C11orf65: variants seen among roughly 807,000 people sequenced by gnomAD.
C11orf65 encodes the protein chromosome 11 open reading frame 65.
Under a neutral mutation model 35.3 loss-of-function variants are expected in C11orf65, and 38 were observed. The ratio of observed to expected loss-of-function variants is 1.08; its 90% CI spans 0.83 to 1.41. C11orf65 has a LOEUF of 1.41. Ranked by LOEUF, C11orf65 falls within the 40% of genes most tolerant of loss-of-function variation. The pLI is 0.00. For synonymous variants in C11orf65, 105 were observed against 114.4 expected (o/e 0.92, Z 0.53); for missense variants, 370 against 367.1 (o/e 1.01, Z -0.06).
intron 2 of C11orf65, among the ~76,000 whole-genome samples, chr11:108,445,955 C>A (rs2093249253): frequency 6.6e-6 from 1 of 152,100 alleles, no homozygotes. Flanking sequence ...AAAGCCGAGG[C>A]TCGAGAACTA....
At chr11:108,465,635 A>C (rs1253906651) in intron 1 of C11orf65, among the ~76,000 whole-genome samples, 4 of 152,072 alleles carry the variant, frequency 2.6e-5, no homozygotes, top group African/African-American at 2.4e-5. Flanking sequence ...GAGTGCTGTA[A>C]GGGAGCAGAA....
In C11orf65 at chr11:108,393,204, T is replaced by C. The variant is rs1374672006; in HGVS notation, c.731+4A>G. 6.2e-7 allele frequency: 1 copy of C among 1,613,402 alleles called. No homozygotes were observed. The highest frequency in any genetic ancestry group is 1.7e-5 in the Admixed American group (1 of 60,014). ...GTTCCCCAAGAATAGCAACATGTACTTACTCATCAAAGTTCAGTGTATTTG... is the reference window on the plus strand; with the variant it reads ...GTTCCCCAAGAATAGCAACATGTACCTACTCATCAAAGTTCAGTGTATTTG... On this transcript the variant is annotated splice_donor_region_variant and intron_variant, in intron 7 of 8. Transcript: ENST00000393084.
intron 2 of C11orf65, chr11:108,368,228 T>TTTAGTAGAGACAGG (rs768728897): frequency 4.8e-6 from 1 of 208,044 alleles, no homozygotes; most frequent in Non-Finnish European, 9.8e-6. Flanking sequence ...TTTTTGTAAT[T>TTTAGTAGAGACAGG]TTAGTAGAGA....
At chr11:108,442,292 A>G (rs2093167255) in intron 2 of C11orf65, among the ~76,000 whole-genome samples, 1 of 152,194 alleles carries the variant, frequency 6.6e-6, no homozygotes, top group Non-Finnish European at 1.5e-5. Context: ...AGGAAAAAGA[A>G]CGAACAAAGC....
intron 1 of C11orf65, among the ~76,000 whole-genome samples, chr11:108,466,429 C>A (rs557835398): frequency 6.6e-6 from 1 of 152,136 alleles, no homozygotes; most frequent in African/African-American, 2.4e-5. Flanking sequence ...CAAAAATAAA[C>A]TGGGTGTGGT....
intron 2 of C11orf65, among the ~76,000 whole-genome samples, chr11:108,433,574 C>T (rs969995785): frequency 4.7e-5 from 7 of 149,036 alleles, no homozygotes; most frequent in South Asian, 2.1e-4. Context: ...AGTGAGACTC[C>T]GTCTCAAAAC....
At chr11:108,455,738 C>T (rs1156384992) in intron 2 of C11orf65, among the ~76,000 whole-genome samples, 3 of 146,960 alleles carry the variant, frequency 2.0e-5, no homozygotes, top group South Asian at 2.2e-4. Context: ...ATCGCTTGAA[C>T]CCAGGAAGCG....
chr11:108,327,601 C>A (rs777878191), downstream of C11orf65: 4 of 1,475,200 alleles, frequency 2.7e-6, no homozygotes, highest in South Asian at 4.6e-5. Context: ...TGGGTACAGT[C>A]ATGGTAATGC....
rs866466121 is a variant in C11orf65 at position 108,317,646 on chromosome 11, T to C, written c.641-8575A>G. On this transcript the variant is annotated intron_variant, in intron 6 of 6. Coordinates refer to the C11orf65 transcript ENST00000525729. ...ATATATATATATATATATATATATA[T>C]ATATATACACACACACACACACACA... is the stretch of plus-strand genomic sequence containing the variant. The C allele has an allele frequency of 0.039, 5,571 of 141,646 alleles. 275 individuals are homozygous for C. The highest frequency in any genetic ancestry group is 0.088 in the African/African-American group (2,140 of 24,274). 8.8% of individuals were successfully genotyped at this position (141,646 alleles called of 1,614,324 possible). A position where few individuals can be genotyped will look rare whatever the true frequency, so the allele number is the denominator to read the frequency against.
intron 2 of C11orf65, among the ~76,000 whole-genome samples, chr11:108,352,804 A>G (rs1198146071): frequency 6.6e-6 from 1 of 152,224 alleles, no homozygotes; most frequent in Non-Finnish European, 1.5e-5. Context: ...GTAAAAAGCT[A>G]TTCCCAAAAG....
chr11:108,438,232 C>T (rs182073082), intron 2 of C11orf65, among the ~76,000 whole-genome samples: 2 of 152,252 alleles, frequency 1.3e-5, no homozygotes, highest in African/African-American at 4.8e-5. Flanking sequence ...TTAATTTACA[C>T]CATATGCAAC....
At position 108,464,453 on chromosome 11, in the gene C11orf65, C is replaced by T. The variant is rs2093510175; in HGVS notation, c.-9-2885G>A. On this transcript the variant is annotated intron_variant, in intron 1 of 8. Coordinates refer to ENST00000393084, the MANE Select transcript of C11orf65 (RefSeq NM_152587.5). ...TTCCACTCACTGCAACCTCCGCCTC[C>T]CGGGTTCAAGTGATTCTCCTGCCTC... 4.6e-5 allele frequency among the ~76,000 whole-genome samples: 7 copies of T among 152,220 alleles called. No individual in the cohort carries two copies. The South Asian group carries it at 1.5e-3, about 32-fold the overall frequency.
chr11:108,381,345 G>A, downstream of C11orf65, among the ~76,000 whole-genome samples: 1 of 152,148 alleles, frequency 6.6e-6, no homozygotes, highest in East Asian at 1.9e-4. Context: ...TATCCAGTGA[G>A]GGAATGGTTC....
intron 2 of C11orf65, among the ~76,000 whole-genome samples, chr11:108,437,506 C>T (rs1226697671): frequency 1.3e-5 from 2 of 151,650 alleles, no homozygotes; most frequent in Admixed American, 1.3e-4. Flanking sequence ...GAGATCGAAA[C>T]CATCCTGGCC....
chr11:108,402,828 A>G (rs928814801), intron 6 of C11orf65, among the ~76,000 whole-genome samples: 2 of 152,254 alleles, frequency 1.3e-5, no homozygotes, highest in Middle Eastern at 3.4e-3. Flanking sequence ...GAATGGAATC[A>G]TACAGTATGT....
chr11:108,467,694 A>T (rs2093557118), upstream of C11orf65, among the ~76,000 whole-genome samples: 1 of 152,190 alleles, frequency 6.6e-6, no homozygotes, highest in South Asian at 2.1e-4. Context: ...AGTGGCTTTG[A>T]GGCAAAGGAT....
intron 3 of C11orf65, among the ~76,000 whole-genome samples, chr11:108,413,098 C>T (rs954633016): frequency 6.6e-6 from 1 of 152,178 alleles, no homozygotes; most frequent in Admixed American, 6.5e-5. Flanking sequence ...TAAAACACTT[C>T]TTCGAACAAC....
rs1172434571 is a variant in C11orf65 at position 108,461,532 on chromosome 11, T to C, written c.28A>G (p.Thr10Ala). Reference sequence around the variant, plus strand: ...ACTCTGGCAGCCTTATCCTGCTTTGTAAATTCTGATTCCTCTTTCCAAGGC... The same window carrying C: ...ACTCTGGCAGCCTTATCCTGCTTTGCAAATTCTGATTCCTCTTTCCAAGGC... MPWKEESEF[T>A]KQDKAARVIQ... Residue 10 changes from threonine (T) to alanine (A), a missense_variant, in exon 2 of 9, where the codon ACA (threonine) becomes GCA (alanine). Transcript: ENST00000393084. The C allele has an allele frequency of 6.2e-7, 1 of 1,609,674 alleles. No individual in the cohort carries two copies. Among genetic ancestry groups the C allele is most frequent in the Non-Finnish European group, 8.5e-7 (1 of 1,177,856 alleles).
At chr11:108,457,500 TG>T (rs1365893224) in intron 2 of C11orf65, among the ~76,000 whole-genome samples, 1 of 151,762 alleles carries the variant, frequency 6.6e-6, no homozygotes, top group Admixed American at 6.6e-5. Flanking sequence ...AAAACTCAGC[TG>T]GGTGTGGTAG....
Sources: allele counts gnomAD v4.1 joint callset (sites outside exome capture counted in the v4.1 genomes callset), GRCh38; gene constraint gnomAD v4.1.1; transcripts MANE v1.5; gene names NCBI Gene and HGNC (gene_info 2026-07-23, HGNC 2026-07-21).